The following DNAI4 variants were observed in gnomAD, a reference collection of about 807,000 sequenced individuals.
DNAI4 encodes the protein dynein axonemal intermediate chain 4.
In DNAI4, 85 loss-of-function variants were observed where a neutral mutation model predicts 105.8. The ratio of observed to expected loss-of-function variants is 0.80; its 90% confidence interval spans 0.67 to 0.96. The LOEUF (loss-of-function observed/expected upper bound fraction) is 0.96, where lower values mean the gene tolerates loss of function less well. Ranked by LOEUF, DNAI4 falls within the 40% of genes least tolerant of loss-of-function variation. The pLI, the probability that DNAI4 is intolerant of heterozygous loss-of-function variation, is 0.00. For synonymous variants in DNAI4, 352 were observed against 331.5 expected (o/e 1.06, Z -0.67); for missense variants, 1,014 against 1,005.6 (o/e 1.01, Z -0.11).
chr1:66,892,824 C>T (rs1647779786), intron 3 of DNAI4, among the ~76,000 whole-genome samples: 1 of 151,584 alleles, frequency 6.6e-6, no homozygotes, highest in Non-Finnish European at 1.5e-5. Context: ...AGGAGAACTG[C>T]TTGAACCTGG....
chr1:66,845,402 C>T (rs78431823), intron 8 of DNAI4, among the ~76,000 whole-genome samples: 3 of 152,036 alleles, frequency 2.0e-5, no homozygotes, highest in African/African-American at 7.2e-5. Flanking sequence ...GACTCTTATA[C>T]ATTGTTGTGG....
chr1:66,869,937 G>C (rs1646806438), intron 6 of DNAI4, among the ~76,000 whole-genome samples: 1 of 152,164 alleles, frequency 6.6e-6, no homozygotes, highest in Admixed American at 6.5e-5. Flanking sequence ...GAATGAGTGA[G>C]AGAATAGAAA....
intron 15 of DNAI4, among the ~76,000 whole-genome samples, chr1:66,824,592 T>C (rs924841048): frequency 2.0e-5 from 3 of 151,670 alleles, no homozygotes; most frequent in African/African-American, 4.8e-5. Flanking sequence ...CCTTGAGCAG[T>C]GGTTTGTAGT....
At chr1:66,893,069 GAA>G (rs56959058) in intron 3 of DNAI4, among the ~76,000 whole-genome samples, 158 bp downstream of exon 3, 2,382 of 119,162 alleles carry the variant, frequency 0.02, 83 homozygotes, top group Middle Eastern at 0.091. Flanking sequence ...GAGAGAGAAA[GAA>G]AGAAAGAAAG....
chr1:66,868,046 T>C (rs1349392087), intron 6 of DNAI4, among the ~76,000 whole-genome samples: 1 of 152,222 alleles, frequency 6.6e-6, no homozygotes, highest in Admixed American at 6.5e-5. Flanking sequence ...TTTTGGCATT[T>C]ACCGTTCTTG....
chr1:66,889,718 C>A (rs1647433956), intron 4 of DNAI4, among the ~76,000 whole-genome samples: 2 of 152,126 alleles, frequency 1.3e-5, no homozygotes, highest in Admixed American at 6.5e-5. Context: ...AAGTATGTAA[C>A]CATTTCTCCC....
intron 4 of DNAI4, among the ~76,000 whole-genome samples, chr1:66,887,183 T>G (rs996439470): frequency 6.6e-6 from 1 of 152,190 alleles, no homozygotes; most frequent in Non-Finnish European, 1.5e-5. Flanking sequence ...CTTATACTAG[T>G]AAAATACTCA....
intron 2 of DNAI4, among the ~76,000 whole-genome samples, chr1:66,895,143 T>C (rs1648204618): frequency 6.6e-6 from 1 of 152,224 alleles, no homozygotes; most frequent in South Asian, 2.1e-4. Context: ...CACAAGTGCT[T>C]GATAAATGTT....
chr1:66,902,495 C>T (rs1352634467), intron 2 of DNAI4, among the ~76,000 whole-genome samples: 1 of 151,848 alleles, frequency 6.6e-6, no homozygotes, highest in African/African-American at 2.4e-5. Flanking sequence ...ATATTTTGTA[C>T]CATCCTGTGG....
At chr1:66,883,253 G>A (rs1449493186) in intron 4 of DNAI4, among the ~76,000 whole-genome samples, 2 of 134,494 alleles carry the variant, frequency 1.5e-5, no homozygotes, top group East Asian at 4.7e-4. Flanking sequence ...TGTAAGTATA[G>A]ACAGTTTTAT....
At chr1:66,875,611 T>C (rs897221120) in intron 4 of DNAI4, among the ~76,000 whole-genome samples, 2 of 152,114 alleles carry the variant, frequency 1.3e-5, no homozygotes, top group African/African-American at 4.8e-5. Context: ...ATTGGTTATG[T>C]GGGTAACAGC....
At chr1:66,894,273 C>T (rs1448323105) in intron 2 of DNAI4, among the ~76,000 whole-genome samples, 1 of 152,146 alleles carries the variant, frequency 6.6e-6, no homozygotes, top group Non-Finnish European at 1.5e-5. Context: ...AGGCAGAAAA[C>T]AGAGATATTG....
intron 4 of DNAI4, among the ~76,000 whole-genome samples, chr1:66,883,035 T>C (rs138025770): frequency 8.9e-4 from 136 of 152,196 alleles, no homozygotes; most frequent in Middle Eastern, 3.4e-3. Flanking sequence ...GATGCTACTG[T>C]AAATGTTTTT....
At chr1:66,832,319 G>A (rs1302722449) in intron 13 of DNAI4, among the ~76,000 whole-genome samples, 3 of 152,220 alleles carry the variant, frequency 2.0e-5, no homozygotes, top group African/African-American at 7.2e-5. Context: ...TCATTTAGAT[G>A]ATAGGGTAGA....
At chr1:66,825,195 C>T (rs552688217) in intron 15 of DNAI4, among the ~76,000 whole-genome samples, 12 of 108,192 alleles carry the variant, frequency 1.1e-4, no homozygotes, top group East Asian at 8.7e-4. Flanking sequence ...TTTTTTGAGA[C>T]GGAGTCTCGC....
chr1:66,889,417 T>A (rs1285230574), intron 4 of DNAI4, among the ~76,000 whole-genome samples: 1 of 152,088 alleles, frequency 6.6e-6, no homozygotes, highest in African/African-American at 2.4e-5. Context: ...GAAGAAAGGC[T>A]TTAGGAAAGA....
chr1:66,905,918 C>CTTT (rs34206774), intron 1 of DNAI4, among the ~76,000 whole-genome samples: 1,664 of 96,306 alleles, frequency 0.017, 13 homozygotes, highest in Non-Finnish European at 0.019. Context: ...TTATATACTA[C>CTTT]TTTTTTTTTT....
chr1:66,902,909 T>C (rs2100821445), intron 2 of DNAI4, among the ~76,000 whole-genome samples: 1 of 152,368 alleles, frequency 6.6e-6, no homozygotes, highest in Non-Finnish European at 1.5e-5. Flanking sequence ...CGTATGTTTG[T>C]TTTTATTCCA....
At chr1:66,858,672 A>G (rs1385279195) in intron 7 of DNAI4, among the ~76,000 whole-genome samples, 1 of 152,182 alleles carries the variant, frequency 6.6e-6, no homozygotes, top group Admixed American at 6.5e-5. Flanking sequence ...TCAGGATCCA[A>G]TTAATGTAAT....
Sources: gnomAD v4.1 joint callset for allele counts (sites outside exome capture counted in the v4.1 genomes callset) on GRCh38, gnomAD v4.1.1 for gene constraint, MANE v1.5 for transcripts, NCBI Gene and HGNC (gene_info 2026-07-23, HGNC 2026-07-21) for gene names.